ATP2A2: variants seen among roughly 807,000 people sequenced by gnomAD.
ATP2A2 encodes sarcoplasmic/endoplasmic reticulum calcium ATPase 2.
ATP2A2 carries 14 observed loss-of-function variants against 109.3 expected under a neutral mutation model. The observed-to-expected ratio is 0.13, with a 90% CI of 0.08 to 0.20. The LOEUF (loss-of-function observed/expected upper bound fraction) is 0.20, where lower values mean the gene tolerates loss of function less well. Among genes scored for constraint, ATP2A2 ranks in the 10% least tolerant of loss-of-function variants. The probability of loss-of-function intolerance (pLI) is 1.00; values close to 1 mark genes in which losing one functional copy is unlikely to be tolerated. For synonymous variants in ATP2A2, 506 were observed against 490.9 expected (o/e 1.03, Z -0.41); for missense variants, 657 against 1,321.6 (o/e 0.50, Z 7.80).
In ATP2A2 at chr12:110,327,411, A is replaced by G. The variant is rs1877916795; in HGVS notation, c.631-142A>G. The stretch of plus-strand genomic sequence containing the variant: ...GAGCATTGCTTGTTGTCACAGTTGT[A>G]TGGCTGGTTGCTTGAACAGTAGCCA... On this transcript the variant is annotated intron_variant, in intron 7 of 19. Transcript: ENST00000539276. This position sits in a 1 kb window ranked among gnomAD's most constrained non-coding sequence, Gnocchi z 4.4. 2 of 808,988 alleles carry G rather than the reference A, an allele frequency of 2.5e-6. No homozygotes were observed. The highest frequency in any genetic ancestry group is 1.4e-5 in the South Asian group (1 of 71,526). 50.1% of individuals were successfully genotyped at this position (808,988 alleles called of 1,614,324 possible). A position where few individuals can be genotyped will look rare whatever the true frequency, so the allele number is the denominator to read the frequency against.
chr12:110,291,338 G>A (rs1430828934), intron 3 of ATP2A2, among the ~76,000 whole-genome samples: 2 of 151,962 alleles, frequency 1.3e-5, no homozygotes. Flanking sequence ...CCAGTAGGTG[G>A]GATTACTGAC....
intron 18 of ATP2A2, 180 bp from the exon 19 acceptor site, chr12:110,345,821 A>G (rs947853980): frequency 1.4e-6 from 1 of 695,284 alleles, no homozygotes; most frequent in Non-Finnish European, 2.6e-6. Context: ...CAGAATTCAC[A>G]GTTTGTCCTG....
At position 110,347,578 on chromosome 12, in the gene ATP2A2, A is replaced by C; in HGVS notation, c.*1108A>C. On this transcript the variant is annotated 3_prime_UTR_variant, in exon 20 of 20. Coordinates refer to ENST00000539276, the MANE Select transcript of ATP2A2 (RefSeq NM_170665.4). ...TAAGGGCAAGTGTGTATGTGTGTGT[A>C]TGTGTGTGTTTTGTAAAATCTGTAA... The C allele has an allele frequency of 8.0e-7, 1 of 1,252,722 alleles. No homozygotes were observed. Among genetic ancestry groups the C allele is most frequent in the Non-Finnish European group, 1.0e-6 (1 of 967,744 alleles). 77.6% of individuals were successfully genotyped at this position (1,252,722 alleles called of 1,614,324 possible).
intron 5 of ATP2A2, among the ~76,000 whole-genome samples, chr12:110,307,237 T>TC (rs1232073326): frequency 1.3e-4 from 20 of 148,190 alleles, no homozygotes; most frequent in Non-Finnish European, 2.4e-4. Flanking sequence ...TTTTTTTTTT[T>TC]TTCTTTTTTT....
At chr12:110,303,181 T>C (rs1447820918) in intron 5 of ATP2A2, among the ~76,000 whole-genome samples, 2 of 152,246 alleles carry the variant, frequency 1.3e-5, no homozygotes, top group Admixed American at 1.3e-4. Context: ...ACATAGTTGC[T>C]GTGCAGAACA....
Position 110,346,117 on chromosome 12 carries a change from C to CAGTA in ATP2A2, c.2859+3_2859+6dup. The stretch of plus-strand genomic sequence containing the variant: ...CTGATCCTCTATGTCGAACCCTTGC[C>CAGTA]AGTAAGTGGTTGGGTGGGGCTTGGG... On this transcript the variant is annotated frameshift_variant and splice_region_variant, in exon 19 of 20. Coordinates refer to ENST00000539276, the MANE Select transcript of ATP2A2 (RefSeq NM_170665.4). LOFTEE classifies it high-confidence loss of function. 6.2e-7 allele frequency: 1 copy of CAGTA among 1,614,158 alleles called. No homozygotes were observed. Among genetic ancestry groups the CAGTA allele is most frequent in the Non-Finnish European group, 8.5e-7 (1 of 1,180,026 alleles).
At chr12:110,290,064 T>C (rs1873100292) in intron 3 of ATP2A2, among the ~76,000 whole-genome samples, 1 of 152,246 alleles carries the variant, frequency 6.6e-6, no homozygotes, top group South Asian at 2.1e-4. Context: ...ACTTAGGTTA[T>C]CTCTGAAGTG....
intron 18 of ATP2A2, 125 bp downstream of exon 18, chr12:110,345,507 C>A: frequency 7.2e-7 from 1 of 1,394,210 alleles, no homozygotes; most frequent in Non-Finnish European, 1.0e-6. Flanking sequence ...GAAAGGAGAA[C>A]AGGCAATACC....
intron 3 of ATP2A2, among the ~76,000 whole-genome samples, chr12:110,288,264 A>AT (rs1212424630): frequency 6.6e-6 from 1 of 151,042 alleles, no homozygotes; most frequent in Non-Finnish European, 1.5e-5. Flanking sequence ...TGCCCAACTA[A>AT]TTAAAAAAAA....
At chr12:110,316,579 A>C (rs1876690554) in intron 5 of ATP2A2, among the ~76,000 whole-genome samples, 1 of 152,108 alleles carries the variant, frequency 6.6e-6, no homozygotes, top group South Asian at 2.1e-4. Context: ...TTTGACACCC[A>C]CTGTGTGCCA....
At chr12:110,282,419 A>T (rs749730168) in intron 1 of ATP2A2, among the ~76,000 whole-genome samples, 185 bp from the exon 2 acceptor site, 1 of 152,204 alleles carries the variant, frequency 6.6e-6, no homozygotes, top group Non-Finnish European at 1.5e-5. Flanking sequence ...TCCTTGAGAT[A>T]TCTTCGTGGT....
At chr12:110,318,112 C>T (rs1195644881) in intron 5 of ATP2A2, among the ~76,000 whole-genome samples, 3 of 152,170 alleles carry the variant, frequency 2.0e-5, no homozygotes, top group African/African-American at 2.4e-5. Flanking sequence ...ATGTGATCAT[C>T]GGAACAGCCT....
intron 3 of ATP2A2, among the ~76,000 whole-genome samples, chr12:110,287,985 G>A (rs763720559): frequency 6.6e-6 from 1 of 151,430 alleles, no homozygotes; most frequent in Admixed American, 6.6e-5. Flanking sequence ...GTCGCCCAGC[G>A]GGTAAATGCA....
At chr12:110,314,233 C>G (rs1876414687) in intron 5 of ATP2A2, among the ~76,000 whole-genome samples, 1 of 150,592 alleles carries the variant, frequency 6.6e-6, no homozygotes, top group Non-Finnish European at 1.5e-5. Context: ...GAGGCTGAGG[C>G]AAGAGAATCA....
At position 110,350,394 on chromosome 12, in the gene ATP2A2, G is replaced by T; in HGVS notation, c.*3924G>T. On this transcript the variant is annotated 3_prime_UTR_variant, in exon 20 of 20. Coordinates refer to ENST00000539276, the MANE Select transcript of ATP2A2 (RefSeq NM_170665.4). ...CAACACATCTACCAACCCTGTGCAT[G>T]ACTGATGTTGGGGAAAAAGAAAAGT... is the stretch of plus-strand genomic sequence containing the variant. 6.2e-7 allele frequency: 1 copy of T among 1,602,434 alleles called. No individual in the cohort carries two copies. Among genetic ancestry groups the T allele is most frequent in the South Asian group, 1.1e-5 (1 of 90,324 alleles).
intron 18 of ATP2A2, chr12:110,345,687 A>G: frequency 3.5e-6 from 2 of 570,202 alleles, no homozygotes; most frequent in Non-Finnish European, 6.2e-6. Flanking sequence ...TCACACAGAC[A>G]AATGGTACCA....
chr12:110,308,414 A>G (rs748202285), intron 5 of ATP2A2, among the ~76,000 whole-genome samples: 5 of 152,166 alleles, frequency 3.3e-5, no homozygotes, highest in African/African-American at 1.2e-4. Context: ...TTAGGTTGTC[A>G]GTATACTCTG....
chr12:110,296,235 C>T (rs1376150574), intron 4 of ATP2A2: 5 of 234,742 alleles, frequency 2.1e-5, no homozygotes, highest in Non-Finnish European at 8.5e-6. Flanking sequence ...CTGCCTCAGC[C>T]TCCTGAGCCC....
rs1286197023 is a variant in ATP2A2 at position 110,345,348 on chromosome 12, C to G, written c.2707C>G (p.Leu903Val). ...PYPMTMALSV[L>V]VTIEMCNALN... ...CCCGATGACAATGGCGCTCTCTGTTCTAGTAACTATAGAAATGTGTAACGC... is the reference window on the plus strand; with the variant it reads ...CCCGATGACAATGGCGCTCTCTGTTGTAGTAACTATAGAAATGTGTAACGC... Residue 903 changes from leucine (L) to valine (V), a missense_variant, in exon 18 of 20, where the codon CTA (leucine) becomes GTA (valine). By Grantham distance (32) the Leu-to-Val change is conservative. This residue lies in a region of ATP2A2 where 125 missense variants were observed against 243.5 expected (regional missense o/e 0.51). Transcript: ENST00000539276. The G allele has an allele frequency of 1.9e-6, 3 of 1,614,206 alleles. No homozygotes were observed. Among genetic ancestry groups the G allele is most frequent in the Non-Finnish European group, 2.5e-6 (3 of 1,180,036 alleles).
Sources: allele counts gnomAD v4.1 joint callset (sites outside exome capture counted in the v4.1 genomes callset), GRCh38; gene constraint gnomAD v4.1.1; regional missense constraint gnomAD v4.1.1; non-coding constraint Gnocchi (gnomAD v3.1); transcripts MANE v1.5; gene names NCBI Gene and HGNC (gene_info 2026-07-23, HGNC 2026-07-21).